APP: variants seen among roughly 807,000 people sequenced by gnomAD.
The protein encoded by APP is amyloid beta precursor protein, also known as amyloid-beta precursor protein.
APP carries 31 observed loss-of-function variants against 101.4 expected under a neutral mutation model. That is an observed-to-expected ratio of 0.31 (90% CI 0.23 to 0.41). APP has a LOEUF of 0.41. APP is among the 10% of genes least tolerant of loss of function. APP has a pLI of 1.00. For missense variants in APP, 839 were observed against 1,003.7 expected, an observed-to-expected ratio of 0.84 and a Z score of 2.22; for synonymous variants, 366 against 364.4, an observed-to-expected ratio of 1.00 and a Z score of -0.05.
At chr21:25,892,708 T>G (rs1056000068) in intron 16 of APP, among the ~76,000 whole-genome samples, 1 of 152,196 alleles carries the variant, frequency 6.6e-6, no homozygotes, top group African/African-American at 2.4e-5. Flanking sequence ...GAATAAAATT[T>G]CATTTACTGC....
intron 1 of APP, among the ~76,000 whole-genome samples, chr21:26,137,524 C>T (rs143864350): frequency 6.8e-4 from 104 of 152,134 alleles, no homozygotes; most frequent in East Asian, 2.5e-3. Flanking sequence ...AGTGGATCAA[C>T]GAGACGGAGG....
At chr21:26,089,334 AT>A (rs917256615) in intron 3 of APP, among the ~76,000 whole-genome samples, 1 of 152,068 alleles carries the variant, frequency 6.6e-6, no homozygotes, top group African/African-American at 2.4e-5. Context: ...AAACTACTCA[AT>A]TTTTTTAAAT....
chr21:26,096,506 A>C (rs1433191408), intron 2 of APP, among the ~76,000 whole-genome samples: 1 of 152,228 alleles, frequency 6.6e-6, no homozygotes, highest in Non-Finnish European at 1.5e-5. Context: ...CAAGAAAACC[A>C]AACTGTACGT....
At chr21:25,987,039 G>C (rs530144663) in intron 8 of APP, among the ~76,000 whole-genome samples, 4 of 152,206 alleles carry the variant, frequency 2.6e-5, no homozygotes, top group Non-Finnish European at 5.9e-5. Flanking sequence ...TCCACATGCT[G>C]GGGCACTGTA....
intron 5 of APP, among the ~76,000 whole-genome samples, chr21:26,034,890 C>T (rs1018999149): frequency 2.0e-5 from 3 of 151,822 alleles, no homozygotes; most frequent in Non-Finnish European, 2.9e-5. Context: ...GGGGAGAGAA[C>T]GACAACGAAC....
chr21:26,072,197 T>C (rs909301776), intron 3 of APP, among the ~76,000 whole-genome samples: 1 of 152,230 alleles, frequency 6.6e-6, no homozygotes, highest in Non-Finnish European at 1.5e-5. Context: ...CAAAAGAACA[T>C]TCATTAAGTA....
At chr21:25,984,452 T>G (rs2042562630) in intron 8 of APP, among the ~76,000 whole-genome samples, 1 of 152,146 alleles carries the variant, frequency 6.6e-6, no homozygotes, top group African/African-American at 2.4e-5. Flanking sequence ...ATAAGTAAAT[T>G]GTTAATTTGT....
chr21:26,139,074 A>G (rs955777999), intron 1 of APP, among the ~76,000 whole-genome samples: 2 of 152,182 alleles, frequency 1.3e-5, no homozygotes, highest in African/African-American at 4.8e-5. Context: ...AATGTGGTAG[A>G]AAGGGGTGAT....
At chr21:25,895,176 CTT>C (rs371074293) in intron 16 of APP, among the ~76,000 whole-genome samples, 24,434 of 143,586 alleles carry the variant, frequency 0.17, 2,203 homozygotes, top group African/African-American at 0.25. Context: ...TAAATACAAA[CTT>C]TTTTTTTTTT....
chr21:26,101,118 T>TTTTTG (rs1480756291), intron 2 of APP, among the ~76,000 whole-genome samples: 8 of 108,514 alleles, frequency 7.4e-5, no homozygotes, highest in African/African-American at 2.2e-4. Context: ...TTTTTTTTTT[T>TTTTTG]GGGATGGAGT....
chr21:26,003,084 C>A (rs893880335), intron 6 of APP, among the ~76,000 whole-genome samples: 2 of 152,198 alleles, frequency 1.3e-5, no homozygotes, highest in African/African-American at 4.8e-5. Context: ...TTTTCCTATA[C>A]CACTAATTAA....
At chr21:25,947,120 G>A (rs1353463942) in intron 13 of APP, among the ~76,000 whole-genome samples, 2 of 152,112 alleles carry the variant, frequency 1.3e-5, no homozygotes, top group East Asian at 1.9e-4. Context: ...TCAGGAAAAC[G>A]GATGCTGTAT....
At chr21:25,914,961 C>T (rs1216234066) in intron 13 of APP, among the ~76,000 whole-genome samples, 1 of 152,220 alleles carries the variant, frequency 6.6e-6, no homozygotes, top group Admixed American at 6.5e-5. Context: ...AGACAATGGT[C>T]TCCCTGCTGG....
chr21:25,883,499 G>A (rs1051194167), intron 17 of APP, among the ~76,000 whole-genome samples: 3 of 152,068 alleles, frequency 2.0e-5, no homozygotes, highest in African/African-American at 4.8e-5. Flanking sequence ...AGACACGCCT[G>A]GCCAACATAG....
intron 2 of APP, among the ~76,000 whole-genome samples, chr21:26,101,870 T>C (rs1318530628): frequency 6.6e-6 from 1 of 152,122 alleles, no homozygotes; most frequent in Non-Finnish European, 1.5e-5. Flanking sequence ...AATTTAATTG[T>C]ATTAATAGAT....
At chr21:26,165,835 CCT>C (rs946817354) in intron 1 of APP, among the ~76,000 whole-genome samples, 9 of 152,062 alleles carry the variant, frequency 5.9e-5, no homozygotes, top group African/African-American at 2.2e-4. Context: ...CTTCTGTGGC[CCT>C]CTCTGAATAC....
chr21:25,910,508 G>A (rs1175833280), intron 14 of APP, among the ~76,000 whole-genome samples: 1 of 152,150 alleles, frequency 6.6e-6, no homozygotes, highest in Non-Finnish European at 1.5e-5. Flanking sequence ...GTGCTGTTGT[G>A]TTCTTAAAAA....
At chr21:26,150,626 T>TAGATAGACAGAC (rs370206066) in intron 1 of APP, among the ~76,000 whole-genome samples, 26 of 149,924 alleles carry the variant, frequency 1.7e-4, no homozygotes, top group Middle Eastern at 3.4e-3. Context: ...GACAGATAGA[T>TAGATAGACAGAC]AGACAGACAG....
intron 5 of APP, among the ~76,000 whole-genome samples, chr21:26,028,511 C>A (rs896380295): frequency 2.0e-5 from 3 of 152,154 alleles, no homozygotes; most frequent in African/African-American, 7.2e-5. Flanking sequence ...TGAAATTTTA[C>A]ACAGGCACTG....
Sources: gnomAD v4.1 joint callset for allele counts (sites outside exome capture counted in the v4.1 genomes callset) on GRCh38, gnomAD v4.1.1 for gene constraint, MANE v1.5 for transcripts, NCBI Gene and HGNC (gene_info 2026-07-23, HGNC 2026-07-21) for gene names.